RIPOR2: variants seen among roughly 807,000 people sequenced by gnomAD.
The protein encoded by RIPOR2 is rho family-interacting cell polarization regulator 2.
A neutral mutation model predicts 114.5 loss-of-function variants in RIPOR2; 39 were observed. The ratio of observed to expected loss-of-function variants is 0.34; its 90% CI spans 0.26 to 0.44. The LOEUF is 0.44. Among genes scored for constraint, RIPOR2 ranks in the 20% least tolerant of loss-of-function variants. The probability of loss-of-function intolerance (pLI) is 1.00; values close to 1 mark genes in which losing one functional copy is unlikely to be tolerated. For synonymous variants in RIPOR2, 445 were observed against 484.4 expected (o/e 0.92, Z 1.07); for missense variants, 1,007 against 1,255.1 (o/e 0.80, Z 2.99).
Position 24,873,683 on chromosome 6 carries a change from C to T in RIPOR2, c.305G>A (p.Arg102Lys). 1 of 1,613,840 alleles carries T rather than the reference C, an allele frequency of 6.2e-7. No homozygotes were observed. Among genetic ancestry groups the T allele is most frequent in the Non-Finnish European group, 8.5e-7 (1 of 1,179,850 alleles). Residue 102 changes from arginine (R) to lysine (K), a missense_variant, in exon 3 of 22, where the codon AGG becomes AAG. By Grantham distance (26) the Arg-to-Lys change is conservative (BLOSUM62 2). Transcript: ENST00000643898. ...NNPPKEPQPK[R>K]VEEVYRALKN... ...CAAGGCCCTGTAGACTTCTTCCACCCTTTTAGGCTGAGGCTCTTTGGGGGG... is the reference window on the plus strand; with the variant it reads ...CAAGGCCCTGTAGACTTCTTCCACCTTTTTAGGCTGAGGCTCTTTGGGGGG...
At chr6:25,029,725 A>T (rs1176037344) in intron 1 of RIPOR2, among the ~76,000 whole-genome samples, 2 of 152,240 alleles carry the variant, frequency 1.3e-5, no homozygotes, top group Non-Finnish European at 2.9e-5. Context: ...TCTTAAAAAA[A>T]CCAGATATCT....
chr6:25,034,075 C>G (rs1777123428), intron 1 of RIPOR2, among the ~76,000 whole-genome samples: 1 of 142,110 alleles, frequency 7.0e-6, no homozygotes, highest in Non-Finnish European at 1.5e-5. Context: ...CGTTTTAAAA[C>G]AAACTACAAA....
chr6:24,909,788 G>A (rs1186021275), intron 1 of RIPOR2, among the ~76,000 whole-genome samples: 1 of 152,058 alleles, frequency 6.6e-6, no homozygotes, highest in African/African-American at 2.4e-5. Flanking sequence ...TTAAAAGCTT[G>A]AACATTTTTC....
At chr6:24,921,869 G>A (rs944751814) in intron 1 of RIPOR2, among the ~76,000 whole-genome samples, 15 of 150,796 alleles carry the variant, frequency 9.9e-5, no homozygotes, top group Middle Eastern at 3.4e-3. Context: ...TCACTCTGTC[G>A]CCCAGGCTGG....
intron 1 of RIPOR2, among the ~76,000 whole-genome samples, chr6:24,978,240 C>T (rs959995138): frequency 5.3e-5 from 8 of 151,882 alleles, no homozygotes; most frequent in African/African-American, 1.5e-4. Context: ...AGCTGAAGGT[C>T]GCCACTGGCA....
At chr6:25,042,058 TAAAAAAA>T, upstream of RIPOR2, 1 of 441,472 alleles carries the variant, frequency 2.3e-6, no homozygotes, top group Non-Finnish European at 4.0e-6. Context: ...GTTCTTTTCT[TAAAAAAA>T]AAAAAAAGAG....
intron 1 of RIPOR2, among the ~76,000 whole-genome samples, chr6:24,952,978 A>T (rs369955887): frequency 6.6e-6 from 1 of 152,190 alleles, no homozygotes; most frequent in Non-Finnish European, 1.5e-5. Flanking sequence ...TGTCTCCCCG[A>T]ATTTCATATA....
At chr6:24,865,156 T>A in intron 7 of RIPOR2, 145 bp downstream of exon 7, 1 of 630,550 alleles carries the variant, frequency 1.6e-6, no homozygotes, top group Non-Finnish European at 2.6e-6. Flanking sequence ...CTTTCTTGCA[T>A]ACTTTTTAGG....
intron 1 of RIPOR2, among the ~76,000 whole-genome samples, chr6:24,930,494 T>G (rs1702016027): frequency 6.6e-6 from 1 of 152,236 alleles, no homozygotes; most frequent in South Asian, 2.1e-4. Context: ...GGTGGACTGG[T>G]GGCTAAGACA....
At chr6:24,910,883 C>A in intron 1 of RIPOR2, 1 of 985,354 alleles carries the variant, frequency 1.0e-6, no homozygotes, top group Non-Finnish European at 1.2e-6. Context: ...TAAAAGCCTC[C>A]GCACCAATGC....
At chr6:25,009,731 T>G (rs1775703096) in intron 1 of RIPOR2, among the ~76,000 whole-genome samples, 1 of 152,240 alleles carries the variant, frequency 6.6e-6, no homozygotes, top group South Asian at 2.1e-4. Context: ...AGATAACAAG[T>G]AATATTAACA....
chr6:24,819,432 G>A (rs556733254), intron 19 of RIPOR2, among the ~76,000 whole-genome samples: 1 of 152,224 alleles, frequency 6.6e-6, no homozygotes, highest in East Asian at 1.9e-4. Context: ...AGTGAGGAGG[G>A]TGGTAATGTC....
intron 1 of RIPOR2, among the ~76,000 whole-genome samples, chr6:24,889,818 T>C (rs753363713): frequency 6.6e-6 from 1 of 152,204 alleles, no homozygotes; most frequent in Non-Finnish European, 1.5e-5. Flanking sequence ...ATTTCTCTGA[T>C]AATTTTACCT....
intron 1 of RIPOR2, among the ~76,000 whole-genome samples, chr6:25,002,854 G>A (rs1775381260): frequency 6.6e-6 from 1 of 152,196 alleles, no homozygotes; most frequent in African/African-American, 2.4e-5. Context: ...GTCTGAGAAA[G>A]ATTAAACAGC....
intron 8 of RIPOR2, among the ~76,000 whole-genome samples, chr6:24,854,808 AC>A (rs1042257824): frequency 1.3e-5 from 2 of 152,078 alleles, no homozygotes; most frequent in Non-Finnish European, 2.9e-5. Flanking sequence ...TGGGCAGATC[AC>A]CTGAGGTCAG....
chr6:25,001,460 T>C (rs2113648272), intron 1 of RIPOR2, among the ~76,000 whole-genome samples: 1 of 151,676 alleles, frequency 6.6e-6, no homozygotes, highest in East Asian at 2.0e-4. Flanking sequence ...CCGTCTCTAC[T>C]AAGAATACAA....
At chr6:24,807,159 A>G (rs948091745) in intron 21 of RIPOR2, among the ~76,000 whole-genome samples, 4 of 152,220 alleles carry the variant, frequency 2.6e-5, no homozygotes, top group African/African-American at 9.6e-5. Flanking sequence ...ACAAAGATGG[A>G]AATAGTTGTG....
intron 1 of RIPOR2, among the ~76,000 whole-genome samples, chr6:24,983,734 G>C (rs1318166516): frequency 8.2e-6 from 1 of 121,926 alleles, no homozygotes; most frequent in African/African-American, 3.3e-5. Context: ...TCCAGCCTGG[G>C]CAACAGAACG....
chr6:24,869,947 T>C (rs766874077), intron 5 of RIPOR2, among the ~76,000 whole-genome samples: 1 of 152,190 alleles, frequency 6.6e-6, no homozygotes, highest in Non-Finnish European at 1.5e-5. Flanking sequence ...TATTATTATA[T>C]GCATTTATTT....
Sources: allele counts gnomAD v4.1 joint callset (sites outside exome capture counted in the v4.1 genomes callset), GRCh38; gene constraint gnomAD v4.1.1; transcripts MANE v1.5; gene names NCBI Gene and HGNC (gene_info 2026-07-23, HGNC 2026-07-21).